The following ZNF37A variants were observed in gnomAD, a reference collection of about 807,000 sequenced individuals.
The protein encoded by ZNF37A is zinc finger protein 37A, also known as zinc finger protein 37a (KOX 21).
Under a neutral mutation model 12.3 loss-of-function variants are expected in ZNF37A, and 10 were observed. The ratio of observed to expected loss-of-function variants is 0.82; its 90% confidence interval spans 0.50 to 1.38. The LOEUF (loss-of-function observed/expected upper bound fraction) is 1.38, where lower values mean the gene tolerates loss of function less well. Among genes scored for constraint, ZNF37A ranks in the 40% most tolerant of loss-of-function variants. ZNF37A has a pLI of 0.00. For synonymous variants in ZNF37A, 207 were observed against 223.0 expected (o/e 0.93, Z 0.64); for missense variants, 580 against 651.2 (o/e 0.89, Z 1.19).
chr10:38,105,731 A>C (rs1033881406), intron 5 of ZNF37A, among the ~76,000 whole-genome samples: 6 of 152,196 alleles, frequency 3.9e-5, no homozygotes, highest in African/African-American at 1.4e-4. Context: ...AGACCATAGC[A>C]CTAAGTATTT....
At chr10:38,126,707 A>G (rs1419241660), downstream of ZNF37A, among the ~76,000 whole-genome samples, 1 of 152,242 alleles carries the variant, frequency 6.6e-6, no homozygotes, top group African/African-American at 2.4e-5. Context: ...TTCACTGTGC[A>G]GTGAGAAGCC....
Position 38,119,085 on chromosome 10 carries a change from G to A in ZNF37A, c.*248G>A, listed in dbSNP as rs1406523309. The A allele has an allele frequency of 4.3e-6, 5 of 1,167,560 alleles. No homozygotes were observed. The highest frequency in any genetic ancestry group is 1.6e-5 in the African/African-American group (1 of 62,768). 72.3% of individuals were successfully genotyped at this position (1,167,560 alleles called of 1,614,324 possible). A position where few individuals can be genotyped will look rare whatever the true frequency, so the allele number is the denominator to read the frequency against. ...GAATATAGGAAACATTTTGCCCAAT[G>A]CCACTCTTCATTAAACATCAGAGAA... On this transcript the variant is annotated 3_prime_UTR_variant, in exon 8 of 8. Transcript: ENST00000685332.
downstream of ZNF37A, chr10:38,124,673 A>G (rs2069894204): frequency 6.6e-6 from 1 of 152,240 alleles, no homozygotes; most frequent in African/African-American, 2.4e-5. Context: ...TAAATTTAAT[A>G]CAATTTCAAT....
chr10:38,102,183 T>G (rs1355230147), intron 5 of ZNF37A, among the ~76,000 whole-genome samples: 3 of 152,188 alleles, frequency 2.0e-5, no homozygotes, highest in Non-Finnish European at 4.4e-5. Context: ...TTATTTACAT[T>G]TAAAGTAAAT....
chr10:38,147,106 T>C (rs1470860610), exon 8 of ZNF37A: 1 of 192,130 alleles, frequency 5.2e-6, no homozygotes, highest in Non-Finnish European at 1.1e-5. Flanking sequence ...TTTGAGCAGT[T>C]TTCCGCTCTG....
downstream of ZNF37A, among the ~76,000 whole-genome samples, chr10:38,127,635 C>T (rs573074817): frequency 6.6e-6 from 1 of 152,298 alleles, no homozygotes; most frequent in South Asian, 2.1e-4. Flanking sequence ...CTTCCTCCTA[C>T]ATCTGTCTCT....
At chr10:38,102,575 A>G (rs1461097973) in intron 5 of ZNF37A, among the ~76,000 whole-genome samples, 1 of 152,222 alleles carries the variant, frequency 6.6e-6, no homozygotes, top group Non-Finnish European at 1.5e-5. Context: ...TAAAAAAAAG[A>G]GAGAACATAA....
At chr10:38,128,052 T>C (rs2069954026), downstream of ZNF37A, among the ~76,000 whole-genome samples, 1 of 152,152 alleles carries the variant, frequency 6.6e-6, no homozygotes, top group African/African-American at 2.4e-5. Context: ...TGCAGTTTGG[T>C]TAATGAGTGG....
downstream of ZNF37A, among the ~76,000 whole-genome samples, chr10:38,126,225 A>G (rs2069923895): frequency 6.6e-6 from 1 of 152,224 alleles, no homozygotes; most frequent in African/African-American, 2.4e-5. Flanking sequence ...ACATAGTTTT[A>G]CGGACCTGAA....
rs1358502027 is a variant in ZNF37A, at chr10:38,122,944, AC to A, written c.*4108del. 8.4e-4 allele frequency: 128 copies of A among 152,386 alleles called. 1 individual carries two copies. The highest frequency in any genetic ancestry group is 2.7e-3 in the African/African-American group (113 of 41,594). 9.4% of individuals were successfully genotyped at this position (152,386 alleles called of 1,614,324 possible). On this transcript the variant is annotated 3_prime_UTR_variant, in exon 8 of 8. Coordinates refer to ENST00000685332, the MANE Select transcript of ZNF37A (RefSeq NM_001324250.3). ...ATCTGTATTAGGCCATTTTTGAAGT[AC>A]TACAAAGAAATACTTGAGACTGAGT...
At chr10:38,112,479 T>G (rs148312982) in intron 5 of ZNF37A, among the ~76,000 whole-genome samples, 1 of 152,116 alleles carries the variant, frequency 6.6e-6, no homozygotes, top group African/African-American at 2.4e-5. Context: ...TTAAAAAAAA[T>G]TTGTGCAACC....
intron 7 of ZNF37A, among the ~76,000 whole-genome samples, chr10:38,132,260 G>A (rs530335955): frequency 1.3e-5 from 2 of 152,200 alleles, no homozygotes; most frequent in East Asian, 3.9e-4. Flanking sequence ...CCTTGGTCAT[G>A]TAGAGGAATT....
intron 5 of ZNF37A, among the ~76,000 whole-genome samples, chr10:38,097,152 G>T (rs2067213667): frequency 6.6e-6 from 1 of 152,200 alleles, no homozygotes; most frequent in Non-Finnish European, 1.5e-5. Flanking sequence ...TTGTCAATGG[G>T]CTTTATTAGG....
downstream of ZNF37A, among the ~76,000 whole-genome samples, chr10:38,126,839 A>G (rs1028911813): frequency 2.0e-5 from 3 of 152,200 alleles, no homozygotes; most frequent in African/African-American, 4.8e-5. Flanking sequence ...CTTTTTGCTA[A>G]TAACTAATGA....
chr10:38,138,963 T>G (rs1481813224), intron 7 of ZNF37A: 2 of 152,030 alleles, frequency 1.3e-5, no homozygotes, highest in South Asian at 4.2e-4. Flanking sequence ...AACTTAACAT[T>G]CTGTCCCTGC....
chr10:38,131,184 T>G (rs1276599317), intron 7 of ZNF37A, among the ~76,000 whole-genome samples: 1 of 152,150 alleles, frequency 6.6e-6, no homozygotes, highest in Non-Finnish European at 1.5e-5. Flanking sequence ...ATAGTATTCT[T>G]CGATGCAAAA....
chr10:38,116,631 TA>T (rs202072276), intron 7 of ZNF37A, among the ~76,000 whole-genome samples: 4 of 151,416 alleles, frequency 2.6e-5, no homozygotes, highest in African/African-American at 4.9e-5. Flanking sequence ...ATACCTTGTT[TA>T]AAAAAAAAGT....
At chr10:38,112,787 T>TG (rs1216587557) in intron 5 of ZNF37A, among the ~76,000 whole-genome samples, 4,789 of 59,418 alleles carry the variant, frequency 0.081, 880 homozygotes, top group East Asian at 0.16. Context: ...TTTCTTTTCT[T>TG]TTCTTTTCTT....
chr10:38,132,649 T>C (rs1333224857), intron 7 of ZNF37A, among the ~76,000 whole-genome samples: 1 of 152,176 alleles, frequency 6.6e-6, no homozygotes, highest in Non-Finnish European at 1.5e-5. Flanking sequence ...TAGGTTAATG[T>C]AAGTGTTCTG....
Sources: allele counts gnomAD v4.1 joint callset (sites outside exome capture counted in the v4.1 genomes callset), GRCh38; gene constraint gnomAD v4.1.1; transcripts MANE v1.5; gene names NCBI Gene and HGNC (gene_info 2026-07-23, HGNC 2026-07-21).